The following ELAVL4 variants were observed in gnomAD, a reference collection of about 807,000 sequenced individuals.
The protein encoded by ELAVL4 is ELAV like RNA binding protein 4.
ELAVL4 carries 1 observed loss-of-function variant against 35.6 expected under a neutral mutation model. The observed-to-expected ratio is 0.03, with a 90% CI of 0.01 to 0.13. The LOEUF is 0.13. Among genes scored for constraint, ELAVL4 ranks in the 10% least tolerant of loss-of-function variants. The pLI is 1.00. For missense variants in ELAVL4, 267 were observed against 464.9 expected, an observed-to-expected ratio of 0.57 and a Z score of 3.91; for synonymous variants, 156 against 171.0, an observed-to-expected ratio of 0.91 and a Z score of 0.69.
intron 6 of ELAVL4, among the ~76,000 whole-genome samples, chr1:50,198,419 A>G (rs546259201): frequency 6.6e-6 from 1 of 152,228 alleles, no homozygotes; most frequent in Non-Finnish European, 1.5e-5. Context: ...GTAGTCTTTA[A>G]TAGTCCACAT....
intron 1 of ELAVL4, among the ~76,000 whole-genome samples, chr1:50,072,849 C>T (rs1664592393): frequency 6.6e-6 from 1 of 152,054 alleles, no homozygotes; most frequent in Non-Finnish European, 1.5e-5. Context: ...AAATAACTTT[C>T]CCAAGGTACC....
chr1:50,081,836 C>T (rs1256291574), intron 1 of ELAVL4, among the ~76,000 whole-genome samples: 4 of 152,116 alleles, frequency 2.6e-5, no homozygotes, highest in African/African-American at 9.7e-5. Context: ...CTAGTACCCC[C>T]ACCCCCTGAC....
chr1:50,119,936 A>G (rs981124096), intron 1 of ELAVL4, among the ~76,000 whole-genome samples: 3 of 151,858 alleles, frequency 2.0e-5, no homozygotes, highest in Non-Finnish European at 4.4e-5. Context: ...CACGTTTAGT[A>G]ATATCAGAAG....
At chr1:50,055,708 A>G (rs1420155663) in intron 1 of ELAVL4, among the ~76,000 whole-genome samples, 1 of 151,536 alleles carries the variant, frequency 6.6e-6, no homozygotes, top group Non-Finnish European at 1.5e-5. Context: ...ACGGTGCCTC[A>G]CGCCTGTAAT....
At chr1:50,074,522 G>C (rs1394458242) in intron 1 of ELAVL4, among the ~76,000 whole-genome samples, 4 of 152,094 alleles carry the variant, frequency 2.6e-5, no homozygotes, top group African/African-American at 9.7e-5. Context: ...TTATATGTCC[G>C]GTTTTGTATT....
At chr1:50,141,698 T>C (rs1672849395) in intron 1 of ELAVL4, 1 of 152,306 alleles carries the variant, frequency 6.6e-6, no homozygotes, top group South Asian at 2.1e-4. Context: ...GTACAACTTC[T>C]ATCAGTCCTG....
intron 1 of ELAVL4, among the ~76,000 whole-genome samples, chr1:50,132,716 G>C (rs906032632): frequency 6.6e-6 from 1 of 152,134 alleles, no homozygotes; most frequent in African/African-American, 2.4e-5. Context: ...GCTCTGGGGA[G>C]GAGACAGAAT....
At chr1:50,167,934 A>G (rs1343589698) in intron 2 of ELAVL4, among the ~76,000 whole-genome samples, 1 of 152,056 alleles carries the variant, frequency 6.6e-6, no homozygotes, top group Non-Finnish European at 1.5e-5. Context: ...ATCCAGCCAA[A>G]CCATTGGCTA....
chr1:50,061,727 G>A (rs1471451653), intron 1 of ELAVL4, among the ~76,000 whole-genome samples: 1 of 152,200 alleles, frequency 6.6e-6, no homozygotes, highest in African/African-American at 2.4e-5. Context: ...CACTCTGGGA[G>A]TACTAAGGCC....
chr1:50,080,874 G>T (rs1557691527), intron 1 of ELAVL4, among the ~76,000 whole-genome samples: 1 of 152,154 alleles, frequency 6.6e-6, no homozygotes, highest in East Asian at 1.9e-4. Flanking sequence ...GAAGATCAGG[G>T]TAGAGAGAGA....
chr1:50,146,940 A>G lies in ELAVL4; in HGVS notation c.250+1743A>G, dbSNP rs571435843. 1.9e-4 allele frequency among the ~76,000 whole-genome samples: 29 copies of G among 152,252 alleles called. 1 individual carries two copies. The South Asian group carries it at 5.8e-3, about 30-fold the overall frequency. Reference sequence around the variant, plus strand: ...GTTTTCTAAAGACACATGTTTAAACAAGCAGATTCCTTTACTGAAAGAATG... The same window carrying G: ...GTTTTCTAAAGACACATGTTTAAACGAGCAGATTCCTTTACTGAAAGAATG... On this transcript the variant is annotated intron_variant, in intron 2 of 6. Transcript: ENST00000371824.
intron 1 of ELAVL4, among the ~76,000 whole-genome samples, chr1:50,115,503 A>G (rs1572231195): frequency 6.6e-6 from 1 of 152,122 alleles, no homozygotes; most frequent in Non-Finnish European, 1.5e-5. Context: ...TTGAAAAATA[A>G]CATGTAAACT....
At chr1:50,134,265 T>C (rs1671528888) in intron 1 of ELAVL4, among the ~76,000 whole-genome samples, 1 of 152,176 alleles carries the variant, frequency 6.6e-6, no homozygotes, top group South Asian at 2.1e-4. Context: ...ACAATACTAA[T>C]GTTTACATGA....
intron 3 of ELAVL4, chr1:50,179,470 G>A (rs776682556): frequency 3.3e-5 from 5 of 152,060 alleles, no homozygotes; most frequent in African/African-American, 4.8e-5. Flanking sequence ...AAAGAAAAAA[G>A]CAAACCCCTT....
chr1:50,146,550 A>G (rs1189471866), intron 2 of ELAVL4, among the ~76,000 whole-genome samples: 1 of 152,192 alleles, frequency 6.6e-6, no homozygotes, highest in African/African-American at 2.4e-5. Flanking sequence ...CTTCAAGGAA[A>G]GTGGCCAGAA....
At chr1:50,101,104 G>C (rs944027057), upstream of ELAVL4, among the ~76,000 whole-genome samples, 3 of 151,906 alleles carry the variant, frequency 2.0e-5, no homozygotes, top group African/African-American at 7.3e-5. Flanking sequence ...GAGATGTTCA[G>C]CCACCCCTAG....
At chr1:50,048,231 C>CT in intron 1 of ELAVL4, 1 of 1,466,838 alleles carries the variant, frequency 6.8e-7, no homozygotes, top group Non-Finnish European at 9.0e-7. Context: ...TGCCCGCCCT[C>CT]TGTTACGGAC....
intron 3 of ELAVL4, among the ~76,000 whole-genome samples, chr1:50,186,799 C>G (rs372636857): frequency 4.6e-5 from 7 of 151,678 alleles, no homozygotes; most frequent in African/African-American, 1.5e-4. Flanking sequence ...ATGGCACAAT[C>G]GGAACTCATT....
upstream of ELAVL4, chr1:50,103,990 A>G (rs2148516165): frequency 6.2e-7 from 1 of 1,614,046 alleles, no homozygotes; most frequent in Non-Finnish European, 8.5e-7. Context: ...GGCTACAGTC[A>G]TATGGAACAG....
Sources: gnomAD v4.1 joint callset for allele counts (sites outside exome capture counted in the v4.1 genomes callset) on GRCh38, gnomAD v4.1.1 for gene constraint, MANE v1.5 for transcripts, NCBI Gene and HGNC (gene_info 2026-07-23, HGNC 2026-07-21) for gene names.